ABCB5: variants seen among roughly 807,000 people sequenced by gnomAD.
ABCB5 encodes ATP-binding cassette sub-family B member 5.
ABCB5 carries 155 observed loss-of-function variants against 144.2 expected under a neutral mutation model. The observed-to-expected ratio is 1.08, with a 90% confidence interval of 0.94 to 1.23. ABCB5 has a LOEUF of 1.23. Ranked by LOEUF, ABCB5 falls within the 50% of genes most tolerant of loss-of-function variation. The probability of loss-of-function intolerance (pLI) is 0.00; values close to 1 mark genes in which losing one functional copy is unlikely to be tolerated. For missense variants in ABCB5, 1,830 were observed against 1,520.8 expected, an observed-to-expected ratio of 1.20 and a Z score of -3.38; for synonymous variants, 610 against 528.6, an observed-to-expected ratio of 1.15 and a Z score of -2.11.
At chr7:20,727,549 A>G (rs1782075273) in intron 22 of ABCB5, among the ~76,000 whole-genome samples, 1 of 152,214 alleles carries the variant, frequency 6.6e-6, no homozygotes, top group South Asian at 2.1e-4. Context: ...AGCCTGGACA[A>G]CATGATGAAA....
rs1436699552 is a variant in ABCB5, at chr7:20,651,402, C to T, written c.1333-18C>T. ...CAGTAAAAGGCATCACAACATGGTT[C>T]ATTCTTTGGATTGGCAGATCATGGT... On this transcript the variant is annotated intron_variant, in intron 12 of 27. Transcript: ENST00000404938. 6.2e-7 allele frequency: 1 copy of T among 1,613,632 alleles called. No homozygotes were observed. The highest frequency in any genetic ancestry group is 1.1e-5 in the South Asian group (1 of 91,044).
Position 20,704,764 on chromosome 7 carries a change from G to T in ABCB5, c.2378G>T (p.Gly793Val), listed in dbSNP as rs754493422. The change falls in exon 20 of 28, where the codon GGC (glycine) becomes GTC (valine). Residue 793 changes from glycine (G) to valine (V), a missense_variant. Coordinates refer to ENST00000404938, the MANE Select transcript of ABCB5 (RefSeq NM_001163941.2). The part of the protein sequence containing the change: ...WFDEKENSTG[G>V]LTTILAIDIA... ...GATGAAAAGGAAAACAGCACAGGAGGCTTGACAACAATATTAGCCATAGAT... is the reference window on the plus strand; with the variant it reads ...GATGAAAAGGAAAACAGCACAGGAGTCTTGACAACAATATTAGCCATAGAT... 8.7e-6 allele frequency: 14 copies of T among 1,613,670 alleles called. No homozygotes were observed. Among genetic ancestry groups the T allele is most frequent in the Admixed American group, 3.3e-5 (2 of 59,984 alleles).
chr7:20,659,444 T>A, intron 14 of ABCB5: 1 of 1,113,980 alleles, frequency 9.0e-7, no homozygotes, highest in Non-Finnish European at 1.1e-6. Flanking sequence ...AAATGCTGAC[T>A]TTATGGAACC....
intron 14 of ABCB5, among the ~76,000 whole-genome samples, chr7:20,680,284 G>A (rs1013538780): frequency 6.6e-6 from 1 of 152,136 alleles, no homozygotes; most frequent in Non-Finnish European, 1.5e-5. Context: ...TTGAGGCCGA[G>A]CGCGGTGGTC....
At chr7:20,680,060 G>C (rs2128038417) in intron 14 of ABCB5, among the ~76,000 whole-genome samples, 1 of 152,274 alleles carries the variant, frequency 6.6e-6, no homozygotes, top group Admixed American at 6.5e-5. Context: ...TCACGCAATA[G>C]AATACTGTGT....
At chr7:20,616,321 C>T (rs1377947225) in intron 1 of ABCB5, among the ~76,000 whole-genome samples, 1 of 152,204 alleles carries the variant, frequency 6.6e-6, no homozygotes, top group African/African-American at 2.4e-5. Flanking sequence ...CAGGCATGAG[C>T]CACTGCGCCC....
intron 20 of ABCB5, among the ~76,000 whole-genome samples, chr7:20,712,348 T>C (rs190933367): frequency 2.0e-5 from 3 of 149,066 alleles, no homozygotes; most frequent in African/African-American, 7.4e-5. Context: ...GGTTTTGAAA[T>C]AGCTTCCTAC....
intron 4 of ABCB5, among the ~76,000 whole-genome samples, chr7:20,630,235 TA>T (rs1784009920): frequency 6.6e-6 from 1 of 152,202 alleles, no homozygotes; most frequent in South Asian, 2.1e-4. Context: ...ATACTTATTA[TA>T]ACTGGGAAAA....
At chr7:20,738,241 C>T (rs909535579) in intron 23 of ABCB5, among the ~76,000 whole-genome samples, 2 of 152,214 alleles carry the variant, frequency 1.3e-5, no homozygotes, top group Non-Finnish European at 2.9e-5. Context: ...TAGTACACTA[C>T]TTTCATATCT....
In ABCB5 at chr7:20,637,044, C is replaced by A. The variant is rs1216428213; in HGVS notation, c.314+4931C>A. ...CTTGATTTAATCCAAGTTTTCCAAA[C>A]CTACCAATATTTGATTGTGGAACAT... On this transcript the variant is annotated intron_variant, in intron 5 of 27. Coordinates refer to ENST00000404938, the MANE Select transcript of ABCB5 (RefSeq NM_001163941.2). 2.0e-5 allele frequency among the ~76,000 whole-genome samples: 3 copies of A among 151,952 alleles called. No homozygotes were observed. In the South Asian group the frequency reaches 6.2e-4, roughly 31 times the overall value.
chr7:20,664,912 G>C (rs1785123839), intron 14 of ABCB5, among the ~76,000 whole-genome samples: 2 of 152,148 alleles, frequency 1.3e-5, no homozygotes, highest in Non-Finnish European at 2.9e-5. Context: ...AACATAGCAA[G>C]ACCTTGTCTG....
At chr7:20,661,794 A>G (rs984365182) in intron 14 of ABCB5, among the ~76,000 whole-genome samples, 10 of 151,982 alleles carry the variant, frequency 6.6e-5, no homozygotes, top group Non-Finnish European at 1.0e-4. Flanking sequence ...TAGCCTCCCA[A>G]AGTGCTGGGA....
chr7:20,700,951 A>T (rs1339893063), intron 19 of ABCB5, among the ~76,000 whole-genome samples: 2 of 152,158 alleles, frequency 1.3e-5, no homozygotes, highest in Admixed American at 1.3e-4. Context: ...AAGTCTTATG[A>T]CTTTTAGGAG....
rs145446888 is a variant in ABCB5 at position 20,711,466 on chromosome 7, CTT to C, written c.2421+6671_2421+6672del. 3.1e-3 allele frequency among the ~76,000 whole-genome samples: 419 copies of C among 135,498 alleles called. 29 individuals carry two copies. In the East Asian group the frequency reaches 0.062, roughly 20 times the overall value. 88.9% of individuals were successfully genotyped at this position (135,498 alleles called of 152,430 possible). On this transcript the variant is annotated intron_variant, in intron 20 of 27. Coordinates refer to ENST00000404938, the MANE Select transcript of ABCB5 (RefSeq NM_001163941.2). ...AGTTTTTTCTTTCCATTCTTTCTTT[CTT>C]TTTTTTTTTTTGAGACACGGTCTCA...
chr7:20,666,633 G>C, intron 14 of ABCB5: 1 of 1,245,676 alleles, frequency 8.0e-7, no homozygotes, highest in East Asian at 2.8e-5. Flanking sequence ...AAAGTGTCAA[G>C]TAGAGACCTG....
intron 19 of ABCB5, among the ~76,000 whole-genome samples, 169 bp from the exon 20 acceptor site, chr7:20,704,555 T>C (rs754418000): frequency 6.6e-6 from 1 of 152,176 alleles, no homozygotes; most frequent in Non-Finnish European, 1.5e-5. Flanking sequence ...TAAATATAGA[T>C]CTTCATGAAA....
intron 9 of ABCB5, chr7:20,647,330 A>G: frequency 1.5e-6 from 2 of 1,324,168 alleles, no homozygotes; most frequent in Non-Finnish European, 1.9e-6. Flanking sequence ...TACTTGGATT[A>G]ATCTGTGTTT....
At chr7:20,635,994 A>G (rs1024731770) in intron 5 of ABCB5, among the ~76,000 whole-genome samples, 5 of 152,296 alleles carry the variant, frequency 3.3e-5, no homozygotes, top group African/African-American at 9.6e-5. Context: ...ATTAATAATT[A>G]TATCTGGCTG....
rs186604061 is a variant in ABCB5 at position 20,713,613 on chromosome 7, A to G, written c.2421+8806A>G. ...GCTGGATATTTTTACATTTCTATAA[A>G]TATTCTGGGTTTTGTTGTGGAATAC... On this transcript the variant is annotated intron_variant, in intron 20 of 27. Transcript: ENST00000404938. 2.4e-3 allele frequency among the ~76,000 whole-genome samples: 360 copies of G among 149,772 alleles called. 15 individuals carry two copies. Among genetic ancestry groups the G allele is most frequent in the Non-Finnish European group, 8.9e-4 (60 of 67,340 alleles).
Sources: allele counts gnomAD v4.1 joint callset (sites outside exome capture counted in the v4.1 genomes callset), GRCh38; gene constraint gnomAD v4.1.1; transcripts MANE v1.5; gene names NCBI Gene and HGNC (gene_info 2026-07-23, HGNC 2026-07-21).